Variants in PHF21B observed in about 807,000 individuals in gnomAD.
PHF21B encodes the protein PHD finger protein 21B, also known as PHD finger protein 4.
PHF21B carries 22 observed loss-of-function variants against 62.2 expected under a neutral mutation model. The observed-to-expected ratio is 0.35, with a 90% CI of 0.25 to 0.51. PHF21B has a LOEUF of 0.51. Ranked by LOEUF, PHF21B falls within the 20% of genes least tolerant of loss-of-function variation. The probability of loss-of-function intolerance (pLI) is 0.97; values close to 1 mark genes in which losing one functional copy is unlikely to be tolerated. For missense variants in PHF21B, 701 were observed against 707.9 expected (o/e 0.99, Z 0.11); for synonymous variants, 341 against 314.7 (o/e 1.08, Z -0.88).
chr22:44,921,830 T>C lies in PHF21B; in HGVS notation c.121-1340A>G, dbSNP rs765503960. On this transcript the variant is annotated intron_variant, in intron 2 of 12. Transcript: ENST00000313237. Reference sequence around the variant, plus strand: ...CCCGCCACCACGCCTGGGTAACTTTTGTATTTTTAGTAGAGATGGGGTTTC... The same window carrying C: ...CCCGCCACCACGCCTGGGTAACTTTCGTATTTTTAGTAGAGATGGGGTTTC... Among the ~76,000 whole-genome samples, 67 of 152,286 alleles carry C rather than the reference T, an allele frequency of 4.4e-4. No individual in the cohort carries two copies. The Middle Eastern group carries it at 0.01, about 23-fold the overall frequency.
At chr22:44,945,784 G>C (rs10212046) in intron 2 of PHF21B, among the ~76,000 whole-genome samples, 1,895 of 152,174 alleles carry the variant, frequency 0.012, 32 homozygotes, top group African/African-American at 0.042. Flanking sequence ...GTAAGCACGA[G>C]GGGTCAGCCT....
chr22:44,886,343 G>T (rs1455924784), intron 10 of PHF21B, among the ~76,000 whole-genome samples: 1 of 136,208 alleles, frequency 7.3e-6, no homozygotes, highest in African/African-American at 2.7e-5. Flanking sequence ...TCTCCACATG[G>T]CCTCAAAAAG....
At chr22:44,931,896 G>A (rs1031878791) in intron 2 of PHF21B, among the ~76,000 whole-genome samples, 1 of 152,180 alleles carries the variant, frequency 6.6e-6, no homozygotes, top group Non-Finnish European at 1.5e-5. Context: ...CCCTCCCACC[G>A]TGGGCCCTGC....
chr22:44,914,296 G>A (rs2071398117), intron 4 of PHF21B, among the ~76,000 whole-genome samples: 1 of 152,132 alleles, frequency 6.6e-6, no homozygotes, highest in South Asian at 2.1e-4. Flanking sequence ...CATGGGGAGG[G>A]TCTGCATGAG....
In PHF21B at chr22:44,916,361, G is replaced by A. The variant is rs201158780; in HGVS notation, c.483C>T (p.Ala161=). 1.6e-4 allele frequency: 259 copies of A among 1,595,232 alleles called. 1 individual carries two copies. The highest frequency in any genetic ancestry group is 1.3e-3 in the South Asian group (118 of 89,004). The change falls in exon 4 of 13, where the codon GCC becomes GCT. Residue 161 remains alanine, a synonymous_variant. Transcript: ENST00000313237. The part of the protein sequence containing the change: ...AIISTSPSNA[A]AMAPSTAVSV... ...ACACGGCGGTGCTGGGGGCCATGGCGGCGGCATTGCTGGGGGAGGTGGAGA... is the reference window on the plus strand; with the variant it reads ...ACACGGCGGTGCTGGGGGCCATGGCAGCGGCATTGCTGGGGGAGGTGGAGA...
intron 4 of PHF21B, among the ~76,000 whole-genome samples, 171 bp downstream of exon 4, chr22:44,916,109 T>C (rs1244317668): frequency 6.6e-6 from 1 of 152,266 alleles, no homozygotes. Context: ...ACTCCATTCA[T>C]TCATTTGCTC....
At chr22:44,941,051 T>C (rs11913929) in intron 2 of PHF21B, among the ~76,000 whole-genome samples, 152 of 152,268 alleles carry the variant, frequency 1.0e-3, no homozygotes, top group South Asian at 3.3e-3. Flanking sequence ...ACAACCCACA[T>C]CCACAGCACC....
chr22:44,883,600 C>T (rs2070776463), intron 12 of PHF21B, among the ~76,000 whole-genome samples: 2 of 152,194 alleles, frequency 1.3e-5, no homozygotes, highest in South Asian at 4.1e-4. Context: ...ACTCTTCCTC[C>T]TCCTCCTGCT....
chr22:44,966,426 T>C (rs917646427), intron 2 of PHF21B, among the ~76,000 whole-genome samples: 3 of 152,184 alleles, frequency 2.0e-5, no homozygotes, highest in Non-Finnish European at 4.4e-5. Flanking sequence ...ACACAACCCT[T>C]GGGCAGGCCA....
At chr22:44,937,342 GAGA>G (rs2071869947) in intron 2 of PHF21B, among the ~76,000 whole-genome samples, 2 of 152,204 alleles carry the variant, frequency 1.3e-5, no homozygotes, top group African/African-American at 4.8e-5. Context: ...GGCAGAGACG[GAGA>G]CATCACAGCC....
intron 5 of PHF21B, among the ~76,000 whole-genome samples, chr22:44,913,392 G>A (rs1328652233): frequency 6.6e-6 from 1 of 152,194 alleles, no homozygotes; most frequent in Admixed American, 6.5e-5. Context: ...CTAGGATGGG[G>A]TGTAGTGGCC....
At chr22:44,956,637 C>T (rs934260686) in intron 2 of PHF21B, among the ~76,000 whole-genome samples, 1 of 152,126 alleles carries the variant, frequency 6.6e-6, no homozygotes, top group Non-Finnish European at 1.5e-5. Flanking sequence ...AGGGAGACCT[C>T]GAGGGACCCT....
chr22:44,889,250 T>C (rs1285200506), intron 9 of PHF21B, among the ~76,000 whole-genome samples: 1 of 135,738 alleles, frequency 7.4e-6, no homozygotes, highest in East Asian at 2.2e-4. Flanking sequence ...GTTCTGGGAA[T>C]CAGGGATGTG....
At position 44,955,845 on chromosome 22, in the gene PHF21B, G is replaced by A. The variant is rs902474059; in HGVS notation, c.121-35355C>T. On this transcript the variant is annotated intron_variant, in intron 2 of 12. Coordinates refer to ENST00000313237, the MANE Select transcript of PHF21B (RefSeq NM_138415.5). The stretch of plus-strand genomic sequence containing the variant: ...TATCCCATTGGTTCTGCTCTCTGGC[G>A]AGCCCTGACTGATGTGGGTGCTTAG... 7.9e-5 allele frequency among the ~76,000 whole-genome samples: 12 copies of A among 152,282 alleles called. No individual in the cohort carries two copies. In the South Asian group the frequency reaches 1.0e-3, roughly 13 times the overall value.
chr22:44,917,903 G>T (rs2071467552), intron 3 of PHF21B, among the ~76,000 whole-genome samples: 1 of 152,234 alleles, frequency 6.6e-6, no homozygotes, highest in South Asian at 2.1e-4. Context: ...GCTGGCCCTT[G>T]AGTCTAGTGA....
intron 2 of PHF21B, among the ~76,000 whole-genome samples, chr22:44,993,438 C>T (rs2073072582): frequency 6.6e-6 from 1 of 152,260 alleles, no homozygotes. Context: ...ATCCTCCCAC[C>T]CGCCAGGGCT....
chr22:44,907,878 T>C (rs2071278593), intron 5 of PHF21B, among the ~76,000 whole-genome samples: 1 of 152,090 alleles, frequency 6.6e-6, no homozygotes, highest in African/African-American at 2.4e-5. Flanking sequence ...CAAAGAGGGA[T>C]GCAGGGCCAG....
At chr22:44,905,384 C>T (rs1455218683) in intron 5 of PHF21B, among the ~76,000 whole-genome samples, 1 of 152,198 alleles carries the variant, frequency 6.6e-6, no homozygotes, top group East Asian at 1.9e-4. Context: ...TTATGTTCAT[C>T]TAAATGTTTT....
rs1307987056 is a variant in PHF21B, at chr22:44,914,803, G to A, written c.565-715C>T. ...AGGGGGTGATCTGGTTTGATGAAAC[G>A]GTGTGATGCTGAAAGTCAGCCTGAA... On this transcript the variant is annotated intron_variant, in intron 4 of 12. Transcript: ENST00000313237. 2.0e-5 allele frequency among the ~76,000 whole-genome samples: 3 copies of A among 152,320 alleles called. No individual in the cohort carries two copies. In the South Asian group the frequency reaches 6.2e-4, roughly 32 times the overall value.
Sources: allele counts gnomAD v4.1 joint callset (sites outside exome capture counted in the v4.1 genomes callset), GRCh38; gene constraint gnomAD v4.1.1; transcripts MANE v1.5; gene names NCBI Gene and HGNC (gene_info 2026-07-23, HGNC 2026-07-21).